Variants in PTPRJ observed in about 807,000 individuals in gnomAD.
The protein encoded by PTPRJ is receptor-type tyrosine-protein phosphatase eta.
In PTPRJ, 129 loss-of-function variants were observed where a neutral mutation model predicts 141.3. That is an observed-to-expected ratio of 0.91 (90% CI 0.79 to 1.06). The LOEUF (loss-of-function observed/expected upper bound fraction) is 1.06, where lower values mean the gene tolerates loss of function less well. PTPRJ is among the 50% of genes least tolerant of loss of function. PTPRJ has a pLI of 0.00. For missense variants in PTPRJ, 1,601 were observed against 1,679.7 expected (o/e 0.95, Z 0.82); for synonymous variants, 610 against 640.5 (o/e 0.95, Z 0.72).
chr11:48,160,051 T>C lies in PTPRJ; in HGVS notation c.3558+2T>C. The C allele has an allele frequency of 6.2e-7, 1 of 1,613,806 alleles. No homozygotes were observed. Among genetic ancestry groups the C allele is most frequent in the African/African-American group, 1.3e-5 (1 of 75,062 alleles). ...ATCAGAGATTTCACAGTGAAAAATG[T>C]AAGTAAGAAGTCAGGATCAGTTGAG... is the stretch of plus-strand genomic sequence containing the variant. On this transcript the variant is annotated splice_donor_variant, in intron 22 of 24. Transcript: ENST00000418331. LOFTEE classifies it high-confidence loss of function.
rs2134342596 is a variant in PTPRJ at position 48,123,809 on chromosome 11, C to A, written c.813C>A (p.Asn271Lys). Residue 271 changes from asparagine to lysine, a missense_variant, in exon 5 of 25, where the codon AAC becomes AAA. Coordinates refer to ENST00000418331, the MANE Select transcript of PTPRJ (RefSeq NM_002843.4). ...AGCCAGGGGTTCAATACAACATCAACCCGTATCTTCTACAATCAAATAAGA... is the reference window on the plus strand; with the variant it reads ...AGCCAGGGGTTCAATACAACATCAAACCGTATCTTCTACAATCAAATAAGA... ...GLKPGVQYNI[N>K]PYLLQSNKTK... 1 of 1,614,086 alleles carries A rather than the reference C, an allele frequency of 6.2e-7. No individual in the cohort carries two copies. The highest frequency in any genetic ancestry group is 1.3e-5 in the African/African-American group (1 of 75,008).
chr11:48,148,208 T>C (rs1201114004), intron 15 of PTPRJ, among the ~76,000 whole-genome samples: 2 of 152,166 alleles, frequency 1.3e-5, no homozygotes, highest in Non-Finnish European at 2.9e-5. Context: ...ACAGTTTTAT[T>C]GTTTCTTGTT....
In PTPRJ at chr11:48,136,309, G is replaced by A. The variant is rs2134359318; in HGVS notation, c.1873+13G>A. On this transcript the variant is annotated intron_variant, in intron 9 of 24. Coordinates refer to ENST00000418331, the MANE Select transcript of PTPRJ (RefSeq NM_002843.4). ...GCACAGTACACACGTAAGTCTCTTA[G>A]GATGCCCTTCTAAGGAACAGCCTCT... The A allele has an allele frequency of 6.2e-7, 1 of 1,611,684 alleles. No homozygotes were observed. Among genetic ancestry groups the A allele is most frequent in the Non-Finnish European group, 8.5e-7 (1 of 1,178,520 alleles).
chr11:47,981,084 AC>A (rs1172178690), intron 1 of PTPRJ, 76 bp downstream of exon 1: 65 of 1,174,178 alleles, frequency 5.5e-5, no homozygotes, highest in East Asian at 7.2e-5. Flanking sequence ...GCCCGAGCGT[AC>A]CCCCCCGGGG....
At chr11:48,076,284 T>C (rs938454935) in intron 1 of PTPRJ, among the ~76,000 whole-genome samples, 30 of 152,254 alleles carry the variant, frequency 2.0e-4, no homozygotes, top group African/African-American at 6.8e-4. Context: ...CTCTTCTGTT[T>C]CTCTAATGGT....
In PTPRJ at chr11:48,155,743, T is replaced by C. The variant is rs1857582978; in HGVS notation, c.3230-58T>C. The C allele has an allele frequency of 2.1e-6, 3 of 1,417,346 alleles. No individual in the cohort carries two copies. In the African/African-American group the frequency reaches 4.3e-5, roughly 20 times the overall value. 87.8% of individuals were successfully genotyped at this position (1,417,346 alleles called of 1,614,324 possible). A position where few individuals can be genotyped will look rare whatever the true frequency, so the allele number is the denominator to read the frequency against. On this transcript the variant is annotated intron_variant, in intron 19 of 24. Transcript: ENST00000418331. ...ATTTCATTTTTTTTTCTGTTTTGTG[T>C]CCAACTTTACTAAAACATTTGCTTA...
chr11:48,027,864 G>A (rs961320923), intron 1 of PTPRJ, among the ~76,000 whole-genome samples: 5 of 147,980 alleles, frequency 3.4e-5, no homozygotes, highest in Middle Eastern at 3.6e-3. Flanking sequence ...GAAGGCTGCA[G>A]TATTGTCAGG....
chr11:47,992,005 C>T (rs963117550), intron 1 of PTPRJ, among the ~76,000 whole-genome samples: 1 of 152,092 alleles, frequency 6.6e-6, no homozygotes, highest in African/African-American at 2.4e-5. Context: ...TTACAAGGCC[C>T]TTTCACATAT....
At chr11:48,141,637 A>G (rs762195360) in intron 11 of PTPRJ, among the ~76,000 whole-genome samples, 2 of 152,118 alleles carry the variant, frequency 1.3e-5, no homozygotes, top group Non-Finnish European at 2.9e-5. Context: ...GCAGCTCCCA[A>G]GGCCACACCT....
rs1479479689 is a variant in PTPRJ at position 48,169,139 on chromosome 11, T to C, written c.*1777T>C. 2 of 152,202 alleles carry C rather than the reference T, an allele frequency of 1.3e-5. No homozygotes were observed. Among genetic ancestry groups the C allele is most frequent in the African/African-American group, 4.8e-5 (2 of 41,456 alleles). The allele number at this position is 152,202 out of a possible 1,614,324, so 9.4% of individuals were successfully genotyped here. A position where few individuals can be genotyped will look rare whatever the true frequency, so the allele number is the denominator to read the frequency against. ...TAGGGTTCTAAAGGGTGAACCACACTTTTAAAGCCCCGGCTGTGGTTCGGA... is the reference window on the plus strand; with the variant it reads ...TAGGGTTCTAAAGGGTGAACCACACCTTTAAAGCCCCGGCTGTGGTTCGGA... On this transcript the variant is annotated 3_prime_UTR_variant, in exon 25 of 25. Coordinates refer to ENST00000418331, the MANE Select transcript of PTPRJ (RefSeq NM_002843.4).
intron 1 of PTPRJ, among the ~76,000 whole-genome samples, chr11:48,042,785 T>A (rs141868824): frequency 0.071 from 10,337 of 146,142 alleles, 371 homozygotes; most frequent in African/African-American, 0.1. Flanking sequence ...TGTGTGTGTG[T>A]GAGAGAGAGA....
chr11:48,125,747 T>G (rs1856814953), intron 6 of PTPRJ, among the ~76,000 whole-genome samples: 1 of 152,240 alleles, frequency 6.6e-6, no homozygotes. Flanking sequence ...AGGTAGTTAC[T>G]GGCCAGGCTG....
chr11:47,995,162 T>A (rs1483081903), intron 1 of PTPRJ, among the ~76,000 whole-genome samples: 2 of 152,226 alleles, frequency 1.3e-5, no homozygotes, highest in Non-Finnish European at 2.9e-5. Flanking sequence ...TCAGTTGACT[T>A]TGTGATCAGC....
intron 18 of PTPRJ, among the ~76,000 whole-genome samples, chr11:48,151,860 G>A (rs11039544): frequency 0.17 from 25,958 of 152,120 alleles, 2,538 homozygotes; most frequent in South Asian, 0.41. Flanking sequence ...TGGGCATTTC[G>A]GTTGGTTCCA....
chr11:48,115,599 A>T (rs1408969949), intron 3 of PTPRJ, among the ~76,000 whole-genome samples: 1 of 152,228 alleles, frequency 6.6e-6, no homozygotes, highest in African/African-American at 2.4e-5. Flanking sequence ...TTAATTGAAA[A>T]CATATGAAAG....
chr11:48,009,278 C>T (rs552340687), intron 1 of PTPRJ, among the ~76,000 whole-genome samples: 148 of 152,246 alleles, frequency 9.7e-4, no homozygotes, highest in African/African-American at 3.3e-3. Flanking sequence ...AAGACGCGAG[C>T]TTCAAAGTAA....
intron 1 of PTPRJ, among the ~76,000 whole-genome samples, chr11:48,109,074 G>C (rs1366669084): frequency 1.3e-5 from 2 of 152,166 alleles, no homozygotes; most frequent in African/African-American, 4.8e-5. Context: ...CCATGAAAAG[G>C]TCTGGGCAGA....
At chr11:48,020,490 C>G (rs1052787812) in intron 1 of PTPRJ, among the ~76,000 whole-genome samples, 13 of 152,116 alleles carry the variant, frequency 8.5e-5, no homozygotes, top group African/African-American at 3.1e-4. Flanking sequence ...AAGTTGAGTT[C>G]CCTGGGCTTG....
At chr11:48,034,933 C>T (rs953575809) in intron 1 of PTPRJ, among the ~76,000 whole-genome samples, 6 of 152,176 alleles carry the variant, frequency 3.9e-5, no homozygotes, top group Admixed American at 2.6e-4. Flanking sequence ...ATTAAGAGCC[C>T]GTTTTACAGA....
Sources: allele counts gnomAD v4.1 joint callset (sites outside exome capture counted in the v4.1 genomes callset), GRCh38; gene constraint gnomAD v4.1.1; transcripts MANE v1.5; gene names NCBI Gene and HGNC (gene_info 2026-07-23, HGNC 2026-07-21).